FRMD3: variants seen among roughly 807,000 people sequenced by gnomAD.
The protein encoded by FRMD3 is FERM domain-containing protein 3.
Under a neutral mutation model 70.2 loss-of-function variants are expected in FRMD3, and 33 were observed. The ratio of observed to expected loss-of-function variants is 0.47; its 90% confidence interval spans 0.36 to 0.63. The LOEUF is 0.63. Among genes scored for constraint, FRMD3 ranks in the 20% least tolerant of loss-of-function variants. The pLI is 0.00. For synonymous variants in FRMD3, 279 were observed against 255.9 expected, an observed-to-expected ratio of 1.09 and a Z score of -0.86; for missense variants, 632 against 711.4, an observed-to-expected ratio of 0.89 and a Z score of 1.27.
At position 83,246,463 on chromosome 9, in the gene FRMD3, C is replaced by T; in HGVS notation, c.*1455G>A. 3.0e-6 allele frequency: 3 copies of T among 984,906 alleles called. No individual in the cohort carries two copies. The South Asian group carries it at 1.4e-4, about 46-fold the overall frequency. The allele number at this position is 984,906 out of a possible 1,614,324, so 61.0% of individuals were successfully genotyped here. ...CAAGGAAGGTACTAGAGCACTGGTC[C>T]CCTCTACAGTCTGGTTAGGGTCATG... On this transcript the variant is annotated 3_prime_UTR_variant, in exon 14 of 14. Coordinates refer to ENST00000304195, the MANE Select transcript of FRMD3 (RefSeq NM_174938.6).
In FRMD3 at chr9:83,290,682, C is replaced by T. The variant is rs931046750; in HGVS notation, c.1116G>A (p.Gln372=). The change falls in exon 13 of 14, where the codon CAG becomes CAA. Residue 372 remains glutamine, a synonymous_variant. Transcript: ENST00000304195. The part of the protein sequence containing the change: ...QSRSSHSLNK[Q]LIINMEPLQP... Reference sequence around the variant, plus strand: ...GCAGGGGTTCCATGTTAATGATGAGCTGTTTGTTCAAGGAGTGGGAACTGC... The same window carrying T: ...GCAGGGGTTCCATGTTAATGATGAGTTGTTTGTTCAAGGAGTGGGAACTGC... 4 of 1,613,708 alleles carry T rather than the reference C, an allele frequency of 2.5e-6. No homozygotes were observed. The highest frequency in any genetic ancestry group is 2.5e-6 in the Non-Finnish European group (3 of 1,179,850).
Position 83,246,918 on chromosome 9 carries a change from CCAGAACT to C in FRMD3, c.*993_*999del. 1 of 985,412 alleles carries C rather than the reference CCAGAACT, an allele frequency of 1.0e-6. No individual in the cohort carries two copies. The allele number at this position is 985,412 out of a possible 1,614,324, so 61.0% of individuals were successfully genotyped here. A position where few individuals can be genotyped will look rare whatever the true frequency, so the allele number is the denominator to read the frequency against. ...TGTCACCATTTGCCTGCCAGCCTCA[CCAGAACT>C]CATTTTTGCCACTTTCCATTTCTCC... is the stretch of plus-strand genomic sequence containing the variant. On this transcript the variant is annotated 3_prime_UTR_variant, in exon 14 of 14. Coordinates refer to ENST00000304195, the MANE Select transcript of FRMD3 (RefSeq NM_174938.6).
At chr9:83,361,097 C>T (rs939343495) in intron 3 of FRMD3, among the ~76,000 whole-genome samples, 1 of 152,196 alleles carries the variant, frequency 6.6e-6, no homozygotes, top group African/African-American at 2.4e-5. Context: ...ATCATAGCTG[C>T]TCTTCTTGGA....
chr9:83,475,805 T>C (rs1426835724), intron 1 of FRMD3, among the ~76,000 whole-genome samples: 1 of 152,212 alleles, frequency 6.6e-6, no homozygotes, highest in East Asian at 1.9e-4. Flanking sequence ...CTGGACACTC[T>C]ACAAGCCTCA....
intron 1 of FRMD3, among the ~76,000 whole-genome samples, chr9:83,411,948 C>T (rs115805304): frequency 0.027 from 4,165 of 152,282 alleles, 209 homozygotes; most frequent in African/African-American, 0.095. Context: ...TAATTCTCAA[C>T]ACATAAGGCA....
chr9:83,345,504 TC>T (rs1351828980), intron 4 of FRMD3, among the ~76,000 whole-genome samples: 4 of 152,286 alleles, frequency 2.6e-5, no homozygotes, highest in African/African-American at 9.6e-5. Flanking sequence ...AAGCCTGTAA[TC>T]CCAGCAATTT....
At chr9:83,357,692 T>C (rs775107407) in intron 3 of FRMD3, among the ~76,000 whole-genome samples, 8 of 152,224 alleles carry the variant, frequency 5.3e-5, no homozygotes, top group Non-Finnish European at 1.0e-4. Context: ...GAGCATTTTC[T>C]CACATGTTTG....
chr9:83,303,933 C>T (rs1049260989), intron 10 of FRMD3, among the ~76,000 whole-genome samples: 2 of 152,148 alleles, frequency 1.3e-5, no homozygotes, highest in African/African-American at 2.4e-5. Context: ...CCTAAGCAAC[C>T]GCTCATCTAG....
chr9:83,568,955 G>GATAGATACATACATACATAC, the FRMD3 span, among the ~76,000 whole-genome samples: 146 of 130,828 alleles, frequency 1.1e-3, no homozygotes, highest in African/African-American at 3.1e-3. Context: ...TAGATAGATA[G>GATAGATACATACATACATAC]ATACATACAT....
At chr9:83,520,649 C>T (rs1229852444) in intron 1 of FRMD3, among the ~76,000 whole-genome samples, 1 of 152,206 alleles carries the variant, frequency 6.6e-6, no homozygotes, top group African/African-American at 2.4e-5. Context: ...AACTGGACAG[C>T]ACAGATACAG....
At chr9:83,423,932 C>T (rs3889637) in intron 1 of FRMD3, among the ~76,000 whole-genome samples, 36,215 of 152,082 alleles carry the variant, frequency 0.24, 4,376 homozygotes, top group Non-Finnish European at 0.26. Context: ...CCACATATGG[C>T]TAGTGTCTAC....
chr9:83,548,748 C>T, the FRMD3 span, among the ~76,000 whole-genome samples: 1 of 152,046 alleles, frequency 6.6e-6, no homozygotes, highest in Non-Finnish European at 1.5e-5. Flanking sequence ...AATAATGTGT[C>T]TATATTTTTT....
intron 1 of FRMD3, 42 bp from the exon 2 acceptor site, chr9:83,389,750 T>C (rs1408747540): frequency 7.1e-7 from 1 of 1,413,028 alleles, no homozygotes; most frequent in African/African-American, 1.4e-5. Context: ...GAGCTCACCT[T>C]GTGCATTCAC....
chr9:83,513,992 C>T (rs1181992900), intron 1 of FRMD3, among the ~76,000 whole-genome samples: 1 of 152,164 alleles, frequency 6.6e-6, no homozygotes, highest in Non-Finnish European at 1.5e-5. Flanking sequence ...CCCTTGGGTG[C>T]CTACACCACA....
At chr9:83,257,896 TAA>T (rs1007714176) in intron 13 of FRMD3, among the ~76,000 whole-genome samples, 2 of 152,222 alleles carry the variant, frequency 1.3e-5, no homozygotes, top group African/African-American at 4.8e-5. Context: ...ATAATAGCTA[TAA>T]AGTTTCTCAC....
chr9:83,318,623 T>C (rs1418023001), intron 6 of FRMD3, among the ~76,000 whole-genome samples: 1 of 152,118 alleles, frequency 6.6e-6, no homozygotes, highest in Non-Finnish European at 1.5e-5. Flanking sequence ...TTTGATATGA[T>C]GATTTATTTT....
chr9:83,289,359 T>G (rs1239934930), intron 13 of FRMD3, among the ~76,000 whole-genome samples: 1 of 152,236 alleles, frequency 6.6e-6, no homozygotes, highest in Non-Finnish European at 1.5e-5. Context: ...TCATCTCTTG[T>G]AGCCCAGTTG....
intron 1 of FRMD3, among the ~76,000 whole-genome samples, chr9:83,434,819 C>CTTTTTTT (rs757810185): frequency 3.6e-4 from 27 of 74,880 alleles, no homozygotes; most frequent in East Asian, 4.8e-4. Flanking sequence ...CACCCCTCTG[C>CTTTTTTT]TTTTTTTTTT....
chr9:83,325,588 G>A (rs1835980552), intron 6 of FRMD3, among the ~76,000 whole-genome samples: 1 of 152,158 alleles, frequency 6.6e-6, no homozygotes, highest in Non-Finnish European at 1.5e-5. Context: ...GCCTCCCAAA[G>A]TGCAAAGATT....
Sources: gnomAD v4.1 joint callset for allele counts (sites outside exome capture counted in the v4.1 genomes callset) on GRCh38, gnomAD v4.1.1 for gene constraint, MANE v1.5 for transcripts, NCBI Gene and HGNC (gene_info 2026-07-23, HGNC 2026-07-21) for gene names.